CNGB1: variants seen among roughly 807,000 people sequenced by gnomAD.
CNGB1 encodes cyclic nucleotide gated channel subunit beta 1.
A neutral mutation model predicts 151.7 loss-of-function variants in CNGB1; 126 were observed. That is an observed-to-expected ratio of 0.83 (90% CI 0.72 to 0.96). CNGB1 has a LOEUF of 0.96. Among genes scored for constraint, CNGB1 ranks in the 40% least tolerant of loss-of-function variants. CNGB1 has a pLI of 0.00. For missense variants in CNGB1, 1,698 were observed against 1,627.0 expected (o/e 1.04, Z -0.75); for synonymous variants, 623 against 635.1 (o/e 0.98, Z 0.29).
chr16:57,926,253 C>A (rs183371858), intron 17 of CNGB1, among the ~76,000 whole-genome samples: 104 of 152,334 alleles, frequency 6.8e-4, no homozygotes, highest in African/African-American at 2.4e-3. Flanking sequence ...AAGCTCACCT[C>A]AGCAGAGGTT....
At chr16:57,954,177 G>T (rs1176241795) in intron 12 of CNGB1, among the ~76,000 whole-genome samples, 1 of 152,216 alleles carries the variant, frequency 6.6e-6, no homozygotes, top group Non-Finnish European at 1.5e-5. Flanking sequence ...CTCCAGATTA[G>T]CTGAAGTCCC....
chr16:57,957,190 T>G lies in CNGB1; in HGVS notation c.874+151A>C, dbSNP rs189479810. 6,098 of 753,816 alleles carry G rather than the reference T, an allele frequency of 8.1e-3. 46 individuals are homozygous for G. Among genetic ancestry groups the G allele is most frequent in the Non-Finnish European group, 0.012 (4,942 of 426,022 alleles). The allele number at this position is 753,816 out of a possible 1,614,324, so 46.7% of individuals were successfully genotyped here. A position where few individuals can be genotyped will look rare whatever the true frequency, so the allele number is the denominator to read the frequency against. ...GTAGGGCCTGCAGAGCATGGGGCTCTCTCAGCTCCAGCCCAGGAGACCCTA... is the reference window on the plus strand; with the variant it reads ...GTAGGGCCTGCAGAGCATGGGGCTCGCTCAGCTCCAGCCCAGGAGACCCTA... On this transcript the variant is annotated intron_variant, in intron 12 of 32. Transcript: ENST00000251102.
At chr16:57,923,217 CAT>C in intron 18 of CNGB1, 54 bp downstream of exon 18, 6 of 1,286,986 alleles carry the variant, frequency 4.7e-6, no homozygotes, top group Non-Finnish European at 5.5e-6. Flanking sequence ...AGCCCCCCCA[CAT>C]CCCCCACCCT....
At chr16:57,953,494 A>T (rs1962010972) in intron 12 of CNGB1, among the ~76,000 whole-genome samples, 2 of 52,980 alleles carry the variant, frequency 3.8e-5, no homozygotes, top group Middle Eastern at 8.8e-3. Context: ...GCTCAATCTT[A>T]AAAAAAAAAA....
chr16:57,906,317 G>T (rs11640102), intron 25 of CNGB1, among the ~76,000 whole-genome samples: 2 of 152,160 alleles, frequency 1.3e-5, no homozygotes, highest in Non-Finnish European at 2.9e-5. Flanking sequence ...AGCCTGGCAC[G>T]TGGTGGACTC....
At chr16:57,900,433 G>A (rs1448309787) in intron 29 of CNGB1, among the ~76,000 whole-genome samples, 9 of 152,244 alleles carry the variant, frequency 5.9e-5, no homozygotes, top group African/African-American at 2.2e-4. Flanking sequence ...GCTTATTAAC[G>A]GTTTATTATT....
In CNGB1 at chr16:57,963,083, C is replaced by A; in HGVS notation, c.291-19G>T. 1 of 1,590,070 alleles carries A rather than the reference C, an allele frequency of 6.3e-7. No individual in the cohort carries two copies. The highest frequency in any genetic ancestry group is 8.6e-7 in the Non-Finnish European group (1 of 1,160,178). ...GCTGGGACTGCGATGGACAGAGACA[C>A]CAGCCCGCCCTCAACTTCCCCTAGC... On this transcript the variant is annotated intron_variant, in intron 4 of 32. Transcript: ENST00000251102.
rs1960775420 is a variant in CNGB1, at chr16:57,913,056, C to T, written c.2305-62G>A. 2.0e-6 allele frequency: 3 copies of T among 1,535,686 alleles called. No homozygotes were observed. In the South Asian group the frequency reaches 3.4e-5, roughly 17 times the overall value. Reference sequence around the variant, plus strand: ...CCATAGGTAGCATGCTGCTCCCACGCCCACGGGCGCCGAGACTCAGGGCTC... The same window carrying T: ...CCATAGGTAGCATGCTGCTCCCACGTCCACGGGCGCCGAGACTCAGGGCTC... On this transcript the variant is annotated intron_variant, in intron 23 of 32. Coordinates refer to ENST00000251102, the MANE Select transcript of CNGB1 (RefSeq NM_001297.5).
intron 25 of CNGB1, among the ~76,000 whole-genome samples, chr16:57,910,207 C>T (rs1960671460): frequency 6.6e-6 from 1 of 152,122 alleles, no homozygotes. Flanking sequence ...CAACACAGAC[C>T]TTAAGTCTGG....
At chr16:57,920,581 C>T (rs554722923) in intron 18 of CNGB1, 37 bp from the exon 19 acceptor site, 32 of 1,605,550 alleles carry the variant, frequency 2.0e-5, no homozygotes, top group African/African-American at 5.3e-5. Context: ...CAGGCTGAGC[C>T]GGGAGGGACC....
intron 32 of CNGB1, among the ~76,000 whole-genome samples, chr16:57,886,959 C>G (rs572729963): frequency 6.6e-6 from 1 of 152,126 alleles, no homozygotes; most frequent in Admixed American, 6.6e-5. Context: ...ACTGCAGTCT[C>G]GACTTCCTGG....
chr16:57,904,742 T>A lies in CNGB1; in HGVS notation c.2626A>T (p.Ile876Phe). 1 of 1,614,052 alleles carries A rather than the reference T, an allele frequency of 6.2e-7. No homozygotes were observed. The highest frequency in any genetic ancestry group is 1.3e-5 in the African/African-American group (1 of 75,016). ...FTGVFAFSVM[I>F]GQMRDVVGAA... Reference sequence around the variant, plus strand: ...GGCTGGTGCCCCGATACCTGTCCGATCATCACAGAGAAAGCAAAGACGCCC... The same window carrying A: ...GGCTGGTGCCCCGATACCTGTCCGAACATCACAGAGAAAGCAAAGACGCCC... Residue 876 changes from isoleucine to phenylalanine, a missense_variant, in exon 26 of 33, where the codon ATC becomes TTC. By Grantham distance (21) the Ile-to-Phe change is conservative. Transcript: ENST00000251102.
At chr16:57,902,230 G>C (rs562728) in intron 27 of CNGB1, among the ~76,000 whole-genome samples, 1 of 151,722 alleles carries the variant, frequency 6.6e-6, no homozygotes, top group Non-Finnish European at 1.5e-5. Context: ...ACCACCACGC[G>C]GGCTAATTTT....
Position 57,895,267 on chromosome 16 carries a change from GAAAC to G in CNGB1, c.3242+2126_3242+2129del, listed in dbSNP as rs1364479512. 2.0e-5 allele frequency among the ~76,000 whole-genome samples: 3 copies of G among 152,250 alleles called. No individual in the cohort carries two copies. The East Asian group carries it at 5.8e-4, about 29-fold the overall frequency. On this transcript the variant is annotated intron_variant, in intron 31 of 32. Coordinates refer to ENST00000251102, the MANE Select transcript of CNGB1 (RefSeq NM_001297.5). ...TTGAGACCAGTCTAGCCAACATGGT[GAAAC>G]CCCATCTCTGCTGAAAATACAAAAA...
At chr16:57,898,719 A>G (rs181745985) in intron 29 of CNGB1, among the ~76,000 whole-genome samples, 1 of 152,112 alleles carries the variant, frequency 6.6e-6, no homozygotes, top group Non-Finnish European at 1.5e-5. Flanking sequence ...CCCAGCCCCA[A>G]ATTGCTTTAT....
intron 19 of CNGB1, 114 bp from the exon 20 acceptor site, chr16:57,919,368 C>T: frequency 6.3e-7 from 1 of 1,586,816 alleles, no homozygotes; most frequent in South Asian, 1.1e-5. Flanking sequence ...ACCCTGGCAC[C>T]ATTATACAAG....
chr16:57,896,057 T>C (rs1960215973), intron 31 of CNGB1, among the ~76,000 whole-genome samples: 1 of 152,138 alleles, frequency 6.6e-6, no homozygotes, highest in Non-Finnish European at 1.5e-5. Context: ...TTACAAAATT[T>C]CCATTTTACA....
intron 19 of CNGB1, 87 bp from the exon 20 acceptor site, chr16:57,919,341 G>C: frequency 6.2e-7 from 1 of 1,609,242 alleles, no homozygotes. Flanking sequence ...GCAGACCTTG[G>C]ATCCAGATCT....
At chr16:57,912,064 T>C (rs1032920927) in intron 24 of CNGB1, among the ~76,000 whole-genome samples, 189 bp from the exon 25 acceptor site, 7 of 151,704 alleles carry the variant, frequency 4.6e-5, no homozygotes, top group Non-Finnish European at 5.9e-5. Flanking sequence ...GGAACAGAGG[T>C]AGCAGAGCTG....
Sources: gnomAD v4.1 joint callset for allele counts (sites outside exome capture counted in the v4.1 genomes callset) on GRCh38, gnomAD v4.1.1 for gene constraint, MANE v1.5 for transcripts, NCBI Gene and HGNC (gene_info 2026-07-23, HGNC 2026-07-21) for gene names.